Variants in IL1RAPL2 observed in about 807,000 individuals in gnomAD.
IL1RAPL2 encodes X-linked interleukin-1 receptor accessory protein-like 2.
In IL1RAPL2, 3 loss-of-function variants were observed where a neutral mutation model predicts 44.1. The observed-to-expected ratio is 0.07, with a 90% CI of 0.03 to 0.18. The LOEUF is 0.18. Ranked by LOEUF, IL1RAPL2 falls within the 10% of genes least tolerant of loss-of-function variation. The probability of loss-of-function intolerance (pLI) is 1.00; values close to 1 mark genes in which losing one functional copy is unlikely to be tolerated. For missense variants in IL1RAPL2, 391 were observed against 496.4 expected (o/e 0.79, Z 2.02); for synonymous variants, 181 against 178.8 (o/e 1.01, Z -0.10).
At chrX:105,001,943 G>A (rs1009016877) in intron 2 of IL1RAPL2, among the ~76,000 whole-genome samples, 1 of 111,171 alleles carries the variant, frequency 9.0e-6, no homozygotes, top group Non-Finnish European at 1.9e-5. Context: ...GAAGTGAACA[G>A]AAATCAAAAT....
intron 2 of IL1RAPL2, among the ~76,000 whole-genome samples, chrX:104,947,000 C>T (rs2147706780): frequency 9.8e-6 from 1 of 101,994 alleles, no homozygotes; most frequent in Non-Finnish European, 2.0e-5. Flanking sequence ...CACTGACTTC[C>T]ACAATGGTTG....
At chrX:104,864,915 A>C (rs1053410169) in intron 2 of IL1RAPL2, among the ~76,000 whole-genome samples, 1 of 111,073 alleles carries the variant, frequency 9.0e-6, no homozygotes, top group African/African-American at 3.3e-5. Context: ...CCTCCAGTTA[A>C]AGTAAGGGCT....
chrX:105,328,173 G>A (rs1268250908), intron 5 of IL1RAPL2, among the ~76,000 whole-genome samples: 1 of 112,035 alleles, frequency 8.9e-6, no homozygotes, highest in Non-Finnish European at 1.9e-5. Context: ...AATCTAGATA[G>A]TATATCTGAT....
At chrX:105,465,995 G>A (rs191437626) in intron 5 of IL1RAPL2, among the ~76,000 whole-genome samples, 3 of 111,416 alleles carry the variant, frequency 2.7e-5, no homozygotes, top group East Asian at 2.8e-4. Context: ...ATTGTTGCAC[G>A]TATATCTTCT....
At chrX:105,291,118 A>G (rs1340647086) in intron 5 of IL1RAPL2, among the ~76,000 whole-genome samples, 1 of 111,809 alleles carries the variant, frequency 8.9e-6, no homozygotes, top group Non-Finnish European at 1.9e-5. Flanking sequence ...ACTTCTCAAA[A>G]TCTCTTACAT....
chrX:105,443,930 A>G (rs1275608357), intron 5 of IL1RAPL2, among the ~76,000 whole-genome samples: 2 of 111,992 alleles, frequency 1.8e-5, no homozygotes, highest in African/African-American at 6.5e-5. Flanking sequence ...TGTTCTCCAT[A>G]TTTGTTGTAC....
intron 5 of IL1RAPL2, among the ~76,000 whole-genome samples, chrX:105,346,779 G>A (rs2035113878): frequency 8.9e-6 from 1 of 111,740 alleles, no homozygotes; most frequent in Non-Finnish European, 1.9e-5. Context: ...GGGGGTGGTG[G>A]TGCTACTGTA....
intron 2 of IL1RAPL2, among the ~76,000 whole-genome samples, chrX:104,778,496 G>A (rs1434181660): frequency 9.3e-6 from 1 of 107,832 alleles, no homozygotes; most frequent in Non-Finnish European, 1.9e-5. Flanking sequence ...GGATGTCAAG[G>A]CTGCAGTGAG....
intron 6 of IL1RAPL2, among the ~76,000 whole-genome samples, chrX:105,602,191 T>C (rs2037257488): frequency 9.0e-6 from 1 of 110,766 alleles, no homozygotes; most frequent in Non-Finnish European, 1.9e-5. Context: ...TTGATCCTTC[T>C]GACCTACCAC....
chrX:105,463,626 G>A (rs961478075), intron 5 of IL1RAPL2, among the ~76,000 whole-genome samples: 6 of 109,805 alleles, frequency 5.5e-5, no homozygotes, highest in Admixed American at 2.0e-4. Flanking sequence ...TTGTGCCCAC[G>A]TGGAAGACAT....
chrX:104,835,372 G>A (rs767744428), intron 2 of IL1RAPL2, among the ~76,000 whole-genome samples: 3 of 109,754 alleles, frequency 2.7e-5, no homozygotes, highest in African/African-American at 9.9e-5. Flanking sequence ...TTTAAAAACT[G>A]ATACTATCAG....
chrX:104,635,530 CTTTG>C (rs1417717670), intron 1 of IL1RAPL2, among the ~76,000 whole-genome samples: 3 of 111,852 alleles, frequency 2.7e-5, no homozygotes, highest in East Asian at 5.6e-4. Context: ...TTCTTGGAGG[CTTTG>C]TTTGTTTCTT....
chrX:105,108,651 A>AT (rs144000381), intron 2 of IL1RAPL2, among the ~76,000 whole-genome samples: 55,743 of 108,377 alleles, frequency 0.51, 12,590 homozygotes, highest in East Asian at 0.75. Flanking sequence ...AAGTTCTGTC[A>AT]TTTTTTGCAC....
At chrX:105,740,383 T>G (rs2038489671) in intron 7 of IL1RAPL2, among the ~76,000 whole-genome samples, 163 bp from the exon 8 acceptor site, 1 of 111,816 alleles carries the variant, frequency 8.9e-6, no homozygotes, top group Admixed American at 9.5e-5. Flanking sequence ...AGCCACTTTT[T>G]GTGTTTTCTT....
Position 104,786,723 on chromosome X carries a change from C to A in IL1RAPL2, c.82+127728C>A, listed in dbSNP as rs184497682. Among the ~76,000 whole-genome samples the A allele has an allele frequency of 7.2e-5, 8 of 111,803 alleles. No individual in the cohort carries two copies. The Admixed American group carries it at 7.6e-4, about 11-fold the overall frequency. On this transcript the variant is annotated intron_variant, in intron 2 of 10. Transcript: ENST00000372582. ...TGGATATATTAATAGATTAAAAATA[C>A]AGTAGCTACTCTCATAGGTATCAAA... is the stretch of plus-strand genomic sequence containing the variant.
chrX:105,035,680 C>T (rs2031616489), intron 2 of IL1RAPL2, among the ~76,000 whole-genome samples: 1 of 112,344 alleles, frequency 8.9e-6, no homozygotes, highest in African/African-American at 3.2e-5. Flanking sequence ...AGTGTTTTTG[C>T]ATTATCTCAC....
rs144676630 is a variant in IL1RAPL2, at chrX:105,711,448, G to A, written c.773-5919G>A. On this transcript the variant is annotated intron_variant, in intron 6 of 10. Transcript: ENST00000372582. ...CTGTGATAATGGCATTAATTGATTC[G>A]TGACAGCAGAGCCCTTATTACCTAA... is the stretch of plus-strand genomic sequence containing the variant. Among the ~76,000 whole-genome samples the A allele has an allele frequency of 3.9e-3, 431 of 111,097 alleles. 2 individuals carry two copies. Among genetic ancestry groups the A allele is most frequent in the African/African-American group, 0.013 (398 of 30,516 alleles).
chrX:105,376,689 G>A (rs60992580), intron 5 of IL1RAPL2, among the ~76,000 whole-genome samples: 16,544 of 111,369 alleles, frequency 0.15, 2,951 homozygotes, highest in African/African-American at 0.51. Flanking sequence ...TCCAAGTCAT[G>A]TCAGCATAAT....
chrX:105,036,676 G>C (rs2147756458), intron 2 of IL1RAPL2, among the ~76,000 whole-genome samples: 1 of 112,243 alleles, frequency 8.9e-6, no homozygotes, highest in Non-Finnish European at 1.9e-5. Context: ...ATGCCTGAAA[G>C]AGTCTCTTGG....
Sources: allele counts gnomAD v4.1 joint callset (sites outside exome capture counted in the v4.1 genomes callset), GRCh38; gene constraint gnomAD v4.1.1; transcripts MANE v1.5; gene names NCBI Gene and HGNC (gene_info 2026-07-23, HGNC 2026-07-21).